The following HIVEP1 variants were observed in gnomAD, a reference collection of about 807,000 sequenced individuals.
HIVEP1 encodes the protein zinc finger protein 40.
Under a neutral mutation model 180.0 loss-of-function variants are expected in HIVEP1, and 36 were observed. The ratio of observed to expected loss-of-function variants is 0.20; its 90% CI spans 0.15 to 0.26. HIVEP1 has a LOEUF of 0.26. Among genes scored for constraint, HIVEP1 ranks in the 10% least tolerant of loss-of-function variants. The pLI is 1.00. For missense variants in HIVEP1, 3,143 were observed against 3,268.7 expected (o/e 0.96, Z 0.94); for synonymous variants, 1,239 against 1,239.0 (o/e 1.00, Z 0.00).
chr6:12,147,210 ACT>A (rs761069090), intron 7 of HIVEP1, among the ~76,000 whole-genome samples: 1 of 151,554 alleles, frequency 6.6e-6, no homozygotes, highest in African/African-American at 2.4e-5. Flanking sequence ...TCAGGTTTAA[ACT>A]CTATTCACTG....
chr6:12,146,223 A>G (rs1759365915), intron 7 of HIVEP1, among the ~76,000 whole-genome samples: 1 of 152,322 alleles, frequency 6.6e-6, no homozygotes, highest in Non-Finnish European at 1.5e-5. Flanking sequence ...CAGGCGGATC[A>G]TCTGAGGTCG....
chr6:12,171,310 C>T, the HIVEP1 span, among the ~76,000 whole-genome samples: 1 of 152,178 alleles, frequency 6.6e-6, no homozygotes, highest in African/African-American at 2.4e-5. Flanking sequence ...GCCTCAGCCT[C>T]CCAAAGTGCT....
At chr6:12,116,827 C>G (rs1368528696) in intron 3 of HIVEP1, among the ~76,000 whole-genome samples, 1 of 152,032 alleles carries the variant, frequency 6.6e-6, no homozygotes, top group East Asian at 1.9e-4. Flanking sequence ...CCAAATTCTG[C>G]CTTAAAGGAA....
chr6:12,015,382 A>G (rs1767676020), intron 1 of HIVEP1, 144 bp from the exon 2 acceptor site: 1 of 389,026 alleles, frequency 2.6e-6, no homozygotes, highest in Non-Finnish European at 4.6e-6. Context: ...CTGTTTAATT[A>G]AAAGTTAGTA....
At position 12,164,502 on chromosome 6, in the gene HIVEP1, T is replaced by TA; in HGVS notation, c.*44dup. 1 of 1,450,626 alleles carries TA rather than the reference T, an allele frequency of 6.9e-7. No homozygotes were observed. The highest frequency in any genetic ancestry group is 9.3e-7 in the Non-Finnish European group (1 of 1,076,160). 89.9% of individuals were successfully genotyped at this position (1,450,626 alleles called of 1,614,324 possible). On this transcript the variant is annotated 3_prime_UTR_variant, in exon 9 of 9. Transcript: ENST00000379388. ...ATTTGCTTTTTTTTTATATAACACT[T>TA]AAAGGTTTCTTTGAAAACCCTCCTT...
intron 2 of HIVEP1, among the ~76,000 whole-genome samples, chr6:12,046,459 A>G (rs774990837): frequency 6.6e-6 from 1 of 152,238 alleles, no homozygotes; most frequent in East Asian, 1.9e-4. Flanking sequence ...CTAGAAAGTG[A>G]ATGTCAGAGC....
chr6:12,056,539 A>G (rs2113736897), intron 2 of HIVEP1, among the ~76,000 whole-genome samples: 1 of 152,164 alleles, frequency 6.6e-6, no homozygotes, highest in South Asian at 2.1e-4. Flanking sequence ...ATTCTTATCG[A>G]TTCAGTTGAT....
At chr6:12,084,843 A>G (rs1480840885) in intron 2 of HIVEP1, among the ~76,000 whole-genome samples, 4 of 152,106 alleles carry the variant, frequency 2.6e-5, no homozygotes, top group Non-Finnish European at 5.9e-5. Flanking sequence ...ACAGCATGAG[A>G]GAAGGATGAG....
chr6:12,115,057 A>G (rs1775130993), intron 3 of HIVEP1, among the ~76,000 whole-genome samples: 2 of 152,206 alleles, frequency 1.3e-5, no homozygotes, highest in Non-Finnish European at 2.9e-5. Context: ...ACAGGATTTT[A>G]AGCACACTCT....
chr6:12,184,582 A>T, the HIVEP1 span, among the ~76,000 whole-genome samples: 1 of 152,154 alleles, frequency 6.6e-6, no homozygotes, highest in African/African-American at 2.4e-5. Context: ...GAAGCTATTG[A>T]TCGTTTCTTC....
intron 3 of HIVEP1, among the ~76,000 whole-genome samples, chr6:12,109,423 CT>C (rs1774740878): frequency 6.6e-6 from 1 of 152,244 alleles, no homozygotes; most frequent in Admixed American, 6.5e-5. Context: ...AGTCAGTCCT[CT>C]CAAAGTCTGC....
chr6:12,162,019 T>A, intron 8 of HIVEP1, 90 bp downstream of exon 8: 1 of 1,238,810 alleles, frequency 8.1e-7, no homozygotes, highest in Non-Finnish European at 1.1e-6. Flanking sequence ...ATAATGCACT[T>A]AAGTGATTTT....
intron 2 of HIVEP1, among the ~76,000 whole-genome samples, chr6:12,085,995 G>C (rs941879822): frequency 6.6e-6 from 1 of 151,950 alleles, no homozygotes; most frequent in Non-Finnish European, 1.5e-5. Flanking sequence ...AGATATTTTT[G>C]CATCATTTTC....
chr6:12,095,978 A>G (rs946247595), intron 3 of HIVEP1, among the ~76,000 whole-genome samples: 13 of 152,160 alleles, frequency 8.5e-5, no homozygotes, highest in East Asian at 3.9e-4. Flanking sequence ...GATCCAGGAT[A>G]AAAGAGTTAG....
the HIVEP1 span, among the ~76,000 whole-genome samples, chr6:12,173,568 C>T: frequency 3.3e-5 from 5 of 152,104 alleles, no homozygotes; most frequent in African/African-American, 9.7e-5. Context: ...ACATATAAAA[C>T]GTAACTTTTT....
chr6:12,073,643 C>A (rs545761242), intron 2 of HIVEP1, among the ~76,000 whole-genome samples: 1 of 152,296 alleles, frequency 6.6e-6, no homozygotes, highest in African/African-American at 2.4e-5. Flanking sequence ...CTCTTGGTCA[C>A]TCTCCAGCAC....
At chr6:12,023,450 G>T (rs1332296336) in intron 2 of HIVEP1, among the ~76,000 whole-genome samples, 1 of 152,168 alleles carries the variant, frequency 6.6e-6, no homozygotes, top group Non-Finnish European at 1.5e-5. Context: ...AAATCTTGTA[G>T]TGGAAACAAC....
At chr6:12,104,303 T>C (rs75752628) in intron 3 of HIVEP1, among the ~76,000 whole-genome samples, 116 of 152,176 alleles carry the variant, frequency 7.6e-4, no homozygotes, top group Non-Finnish European at 1.4e-3. Context: ...TGTTACTTTC[T>C]GGATATTGTA....
At chr6:12,078,524 G>T (rs1040711024) in intron 2 of HIVEP1, among the ~76,000 whole-genome samples, 3 of 151,676 alleles carry the variant, frequency 2.0e-5, no homozygotes, top group Non-Finnish European at 4.4e-5. Context: ...TGGAGAGGCA[G>T]TCAGAGTTCA....
Sources: gnomAD v4.1 joint callset for allele counts (sites outside exome capture counted in the v4.1 genomes callset) on GRCh38, gnomAD v4.1.1 for gene constraint, MANE v1.5 for transcripts, NCBI Gene and HGNC (gene_info 2026-07-23, HGNC 2026-07-21) for gene names.